CRYBG3: variants seen among roughly 807,000 people sequenced by gnomAD.
CRYBG3 encodes the protein crystallin beta-gamma domain containing 3.
Under a neutral mutation model 244.2 loss-of-function variants are expected in CRYBG3, and 127 were observed. The observed-to-expected ratio is 0.52, with a 90% CI of 0.45 to 0.60. The LOEUF is 0.60. Among genes scored for constraint, CRYBG3 ranks in the 20% least tolerant of loss-of-function variants. CRYBG3 has a pLI of 0.00. For synonymous variants in CRYBG3, 1,132 were observed against 1,195.8 expected (o/e 0.95, Z 1.10); for missense variants, 3,325 against 3,442.5 (o/e 0.97, Z 0.85).
At chr3:97,936,099 CTG>C (rs2040161024) in intron 18 of CRYBG3, among the ~76,000 whole-genome samples, 1 of 152,088 alleles carries the variant, frequency 6.6e-6, no homozygotes. Flanking sequence ...GGTCATCTGT[CTG>C]TGTCATGACT....
chr3:97,873,019 C>T lies in CRYBG3; in HGVS notation c.1825C>T (p.Pro609Ser), dbSNP rs1248677009. ...AGCAAGCTTAGGAAATGAAAATGCA[C>T]CTGAGTTGAAATTTGAACTTAATAG... ...VVASLGNENA[P>S]ELKFELNRSH... is the part of the protein sequence containing the mutation. Residue 609 changes from proline (P) to serine (S), a missense_variant, in exon 4 of 22, where the codon CCT (proline) becomes TCT (serine). By Grantham distance (74) the Pro-to-Ser change is moderately conservative. Transcript: ENST00000389622. 3.3e-6 allele frequency: 5 copies of T among 1,535,696 alleles called. No individual in the cohort carries two copies. The highest frequency in any genetic ancestry group is 1.2e-5 in the South Asian group (1 of 83,986).
intron 7 of CRYBG3, among the ~76,000 whole-genome samples, chr3:97,883,625 G>T (rs1453985432): frequency 6.6e-6 from 1 of 151,998 alleles, no homozygotes; most frequent in African/African-American, 2.4e-5. Flanking sequence ...TTCTTCTAGT[G>T]TTTGTTCTCG....
intron 1 of CRYBG3, among the ~76,000 whole-genome samples, chr3:97,831,486 T>C (rs1263916454): frequency 1.3e-5 from 2 of 152,156 alleles, no homozygotes; most frequent in Admixed American, 1.3e-4. Flanking sequence ...CAGAGAGACC[T>C]TGAGGCTGCT....
intron 7 of CRYBG3, among the ~76,000 whole-genome samples, chr3:97,885,824 A>G (rs749525997): frequency 7.9e-5 from 12 of 152,184 alleles, no homozygotes; most frequent in Non-Finnish European, 1.3e-4. Context: ...TCTGAAGCCA[A>G]TGAGTTTCTT....
chr3:97,838,437 C>A (rs1294900813), intron 1 of CRYBG3, among the ~76,000 whole-genome samples: 2 of 152,070 alleles, frequency 1.3e-5, no homozygotes, highest in Non-Finnish European at 2.9e-5. Context: ...TGCATTAGAA[C>A]AATCTGGGGT....
chr3:97,943,119 A>G, intron 21 of CRYBG3, 107 bp from the exon 22 acceptor site: 1 of 641,952 alleles, frequency 1.6e-6, no homozygotes, highest in Non-Finnish European at 2.7e-6. Flanking sequence ...TGTAAATGAC[A>G]CATTCATCCA....
Position 97,886,743 on chromosome 3 carries a change from T to G in CRYBG3, c.7265T>G (p.Val2422Gly). The change falls in exon 8 of 22, where the codon GTG becomes GGG. Residue 2422 changes from valine to glycine, a missense_variant. Physicochemically the swap from Val to Gly is moderately radical, Grantham distance 109 (BLOSUM62 -3). Coordinates refer to ENST00000389622, the MANE Select transcript of CRYBG3 (RefSeq NM_153605.4). ...NLEELNISKS[V>G]SFTVKSGVWL... ...GAAGAACTGAATATCTCCAAATCTG[T>G]GTCCTTCACTGTGAAGTCAGGAGTG... The G allele has an allele frequency of 1.2e-6, 2 of 1,608,270 alleles. No homozygotes were observed. The highest frequency in any genetic ancestry group is 4.5e-5 in the East Asian group (2 of 44,776).
intron 1 of CRYBG3, among the ~76,000 whole-genome samples, chr3:97,837,501 A>G (rs2038751044): frequency 6.6e-6 from 1 of 152,154 alleles, no homozygotes; most frequent in Admixed American, 6.6e-5. Context: ...CTTCTACTGT[A>G]GACCACAGCT....
chr3:97,838,624 C>T (rs2135440), intron 1 of CRYBG3, among the ~76,000 whole-genome samples: 33,271 of 152,032 alleles, frequency 0.22, 4,146 homozygotes, highest in Middle Eastern at 0.3. Flanking sequence ...GTACATTGTG[C>T]AACCCCCAGC....
intron 1 of CRYBG3, among the ~76,000 whole-genome samples, chr3:97,830,847 G>A (rs1178423328): frequency 1.3e-5 from 2 of 152,120 alleles, no homozygotes; most frequent in Admixed American, 6.6e-5. Flanking sequence ...CACTTGAGAG[G>A]CTTATATCTT....
intron 14 of CRYBG3, among the ~76,000 whole-genome samples, chr3:97,899,681 T>C (rs1207287664): frequency 1.3e-5 from 2 of 152,146 alleles, no homozygotes; most frequent in Admixed American, 1.3e-4. Context: ...GCCTGGGGAA[T>C]TGAAGACCTT....
rs761418320 is a variant in CRYBG3 at position 97,853,404 on chromosome 3, AATAC to A, written c.216+10145_216+10148del. On this transcript the variant is annotated intron_variant, in intron 2 of 21. Coordinates refer to ENST00000389622, the MANE Select transcript of CRYBG3 (RefSeq NM_153605.4). ...TACACACAGACACACACACACATAC[AATAC>A]ACACACACACACACACACACACACA... 9.1e-5 allele frequency among the ~76,000 whole-genome samples: 8 copies of A among 88,322 alleles called. No individual in the cohort carries two copies. In the Admixed American group the frequency reaches 1.2e-3, roughly 13 times the overall value. The allele number at this position is 88,322 out of a possible 152,430, so 57.9% of individuals were successfully genotyped here. A position where few individuals can be genotyped will look rare whatever the true frequency, so the allele number is the denominator to read the frequency against.
In CRYBG3 at chr3:97,822,024, G is replaced by T. The variant is rs1043085266; in HGVS notation, c.-183G>T. On this transcript the variant is annotated 5_prime_UTR_variant, in exon 1 of 22. Transcript: ENST00000389622. ...AGCAGCCGCAGCGGCGTGAGGAGCT[G>T]CCGCGCGAGGAGCGCGTCGCGTCCG... The T allele has an allele frequency of 4.1e-5, 18 of 435,072 alleles. No individual in the cohort carries two copies. Among genetic ancestry groups the T allele is most frequent in the Non-Finnish European group, 6.2e-5 (16 of 258,874 alleles). The allele number at this position is 435,072 out of a possible 1,614,324, so 27.0% of individuals were successfully genotyped here. A position where few individuals can be genotyped will look rare whatever the true frequency, so the allele number is the denominator to read the frequency against.
intron 2 of CRYBG3, among the ~76,000 whole-genome samples, chr3:97,856,992 T>C (rs992634629): frequency 2.0e-5 from 3 of 152,158 alleles, no homozygotes; most frequent in Non-Finnish European, 4.4e-5. Flanking sequence ...AGGTTGTTTA[T>C]TTGAAATAAT....
At chr3:97,915,362 C>T (rs2039915816) in intron 16 of CRYBG3, among the ~76,000 whole-genome samples, 1 of 152,096 alleles carries the variant, frequency 6.6e-6, no homozygotes, top group Non-Finnish European at 1.5e-5. Context: ...ATGTTCCTAA[C>T]TCATAGAATT....
At chr3:97,920,641 T>C (rs749883652) in intron 17 of CRYBG3, among the ~76,000 whole-genome samples, 6 of 152,110 alleles carry the variant, frequency 3.9e-5, no homozygotes, top group Non-Finnish European at 8.8e-5. Context: ...GGAATTCTCA[T>C]GCCTCAGCCT....
chr3:97,889,272 C>T (rs1457775468), intron 9 of CRYBG3, 83 bp from the exon 10 acceptor site: 2 of 1,052,834 alleles, frequency 1.9e-6, no homozygotes, highest in Admixed American at 1.8e-5. Context: ...TTTTATGTAA[C>T]CTACATATAT....
chr3:97,869,494 A>G (rs1157869819), intron 3 of CRYBG3, among the ~76,000 whole-genome samples: 1 of 152,140 alleles, frequency 6.6e-6, no homozygotes, highest in East Asian at 1.9e-4. Context: ...TTAGATATTT[A>G]TGTCATAGTT....
intron 17 of CRYBG3, among the ~76,000 whole-genome samples, chr3:97,925,166 A>G (rs1051599697): frequency 1.3e-5 from 2 of 152,036 alleles, no homozygotes; most frequent in African/African-American, 4.8e-5. Flanking sequence ...TTTCAAACCA[A>G]TTCAGAAAAA....
Sources: gnomAD v4.1 joint callset for allele counts (sites outside exome capture counted in the v4.1 genomes callset) on GRCh38, gnomAD v4.1.1 for gene constraint, MANE v1.5 for transcripts, NCBI Gene and HGNC (gene_info 2026-07-23, HGNC 2026-07-21) for gene names.